SVIL: variants seen among roughly 807,000 people sequenced by gnomAD.
SVIL encodes the protein archvillin.
A neutral mutation model predicts 240.4 loss-of-function variants in SVIL; 101 were observed. That is an observed-to-expected ratio of 0.42 (90% CI 0.36 to 0.50). SVIL has a LOEUF of 0.50. SVIL is among the 20% of genes least tolerant of loss of function. The probability of loss-of-function intolerance (pLI) is 0.01; values close to 1 mark genes in which losing one functional copy is unlikely to be tolerated. For synonymous variants in SVIL, 999 were observed against 1,100.0 expected, an observed-to-expected ratio of 0.91 and a Z score of 1.82; for missense variants, 2,512 against 2,818.7, an observed-to-expected ratio of 0.89 and a Z score of 2.46.
At chr10:29,488,500 C>T (rs1947643450) in intron 23 of SVIL, 101 bp downstream of exon 23, 1 of 1,340,534 alleles carries the variant, frequency 7.5e-7, no homozygotes, top group Non-Finnish European at 9.7e-7. Context: ...AGTGTGCGTT[C>T]CTTTCCCGGC....
rs559967541 is a variant in SVIL at position 29,459,562 on chromosome 10, G to A, written c.6403-973C>T. On this transcript the variant is annotated intron_variant, in intron 36 of 37. Transcript: ENST00000355867. ...CTCCCCTGGCCCCATTTCTTAATCT[G>A]CAATAGAAAAAGAAGGTCAGAAAAT... Among the ~76,000 whole-genome samples the A allele has an allele frequency of 3.3e-5, 5 of 152,244 alleles. No homozygotes were observed. The South Asian group carries it at 8.3e-4, about 25-fold the overall frequency.
intron 1 of SVIL, among the ~76,000 whole-genome samples, chr10:29,687,428 A>G (rs986271265): frequency 3.3e-5 from 5 of 152,250 alleles, no homozygotes; most frequent in Non-Finnish European, 5.9e-5. Context: ...GAGGTGGTTC[A>G]TGCCTGTAAT....
intron 6 of SVIL, among the ~76,000 whole-genome samples, chr10:29,549,560 G>T (rs1184376407): frequency 6.8e-6 from 1 of 146,686 alleles, no homozygotes; most frequent in Admixed American, 6.9e-5. Context: ...CTGCTATAAA[G>T]ACACATGCAC....
At position 29,530,756 on chromosome 10, in the gene SVIL, T is replaced by C. The variant is rs1951303339; in HGVS notation, c.2045-88A>G. 4.0e-5 allele frequency: 57 copies of C among 1,423,036 alleles called. 1 individual carries two copies. Among genetic ancestry groups the C allele is most frequent in the South Asian group, 5.8e-5 (5 of 86,722 alleles). The allele number at this position is 1,423,036 out of a possible 1,614,324, so 88.2% of individuals were successfully genotyped here. ...AAGTCTTTCAGGGCTGACCTGGAAA[T>C]CTTTGAATACAACAATAGGTGCACT... On this transcript the variant is annotated intron_variant, in intron 10 of 37. Coordinates refer to ENST00000355867, the MANE Select transcript of SVIL (RefSeq NM_021738.3).
chr10:29,529,930 G>C (rs1207171924), intron 11 of SVIL, 86 bp from the exon 12 acceptor site: 3 of 1,356,288 alleles, frequency 2.2e-6, no homozygotes, highest in East Asian at 5.3e-5. Flanking sequence ...CAGCACTTTG[G>C]GAGGCTAAGG....
At position 29,473,938 on chromosome 10, in the gene SVIL, T is replaced by G; in HGVS notation, c.5429A>C (p.Lys1810Thr). The change falls in exon 30 of 38, where the codon AAG (lysine) becomes ACG (threonine). Residue 1810 changes from lysine to threonine, a missense_variant. By Grantham distance (78) the Lys-to-Thr change is moderately conservative. Around this residue, in one of 3 missense-constraint regions of SVIL, gnomAD observed 797 missense variants for 925.3 expected, o/e 0.86. Coordinates refer to ENST00000355867, the MANE Select transcript of SVIL (RefSeq NM_021738.3). ...GCCTTGCCAGAAGAAGTAGACGCAC[T>G]TCTCTTTGCCGGCTGCCCTCACCGA... ...EHSVRAAGKE[K>T]CVYFFWQGRH... The G allele has an allele frequency of 1.9e-6, 3 of 1,614,048 alleles. No individual in the cohort carries two copies. Among genetic ancestry groups the G allele is most frequent in the Non-Finnish European group, 1.7e-6 (2 of 1,180,006 alleles).
At chr10:29,458,962 A>G (rs1428530609) in intron 36 of SVIL, among the ~76,000 whole-genome samples, 2 of 148,400 alleles carry the variant, frequency 1.3e-5, no homozygotes, top group Non-Finnish European at 3.0e-5. Context: ...ATGCATCACC[A>G]GGCCTGGCTA....
At chr10:29,535,368 T>C (rs1404467965) in intron 7 of SVIL, among the ~76,000 whole-genome samples, 1 of 152,234 alleles carries the variant, frequency 6.6e-6, no homozygotes, top group Admixed American at 6.5e-5. Context: ...AATCTGAATG[T>C]TGTCCTCAGC....
chr10:29,631,967 C>G (rs1285484657), intron 1 of SVIL, among the ~76,000 whole-genome samples: 3 of 152,128 alleles, frequency 2.0e-5, no homozygotes, highest in Non-Finnish European at 4.4e-5. Flanking sequence ...ACCCTGAGAT[C>G]AGCGCTTTAA....
chr10:29,604,445 C>T (rs1264366159), intron 1 of SVIL, among the ~76,000 whole-genome samples: 2 of 132,176 alleles, frequency 1.5e-5, no homozygotes, highest in Non-Finnish European at 3.1e-5. Context: ...TGGTCTCAAA[C>T]TCCTGGACTC....
chr10:29,726,908 C>T (rs1429114397), intron 1 of SVIL, among the ~76,000 whole-genome samples: 2 of 152,118 alleles, frequency 1.3e-5, no homozygotes, highest in Admixed American at 1.3e-4. Flanking sequence ...AATGTGCTTC[C>T]ATCACAACAC....
At position 29,535,960 on chromosome 10, in the gene SVIL, C is replaced by G. The variant is rs1400461362; in HGVS notation, c.908+29G>C. ...CAGGAGGAAGCAACACTCATGCACA[C>G]AAGCCCCAGAGGGCCGGCGTGCGGG... On this transcript the variant is annotated intron_variant, in intron 7 of 37. Coordinates refer to ENST00000355867, the MANE Select transcript of SVIL (RefSeq NM_021738.3). The G allele has an allele frequency of 1.9e-6, 3 of 1,613,170 alleles. No individual in the cohort carries two copies. In the Admixed American group the frequency reaches 5.0e-5, roughly 27 times the overall value.
At chr10:29,490,585 TAAAAAA>T (rs57898945) in intron 22 of SVIL, among the ~76,000 whole-genome samples, 14,116 of 76,192 alleles carry the variant, frequency 0.19, 846 homozygotes, top group Non-Finnish European at 0.21. Context: ...CCCCAGTCTT[TAAAAAA>T]AAAAAAAAAA....
At chr10:29,606,701 G>C (rs1305746095) in intron 1 of SVIL, among the ~76,000 whole-genome samples, 1 of 152,008 alleles carries the variant, frequency 6.6e-6, no homozygotes, top group Non-Finnish European at 1.5e-5. Flanking sequence ...TTTACGGTTG[G>C]TTTTTCCAAA....
chr10:29,512,280 T>C (rs1271157423), intron 17 of SVIL, among the ~76,000 whole-genome samples: 4 of 152,254 alleles, frequency 2.6e-5, no homozygotes, highest in Non-Finnish European at 4.4e-5. Context: ...GCTTAAATGA[T>C]GAACTAAATA....
At chr10:29,573,721 T>TC (rs1461439215) in intron 1 of SVIL, among the ~76,000 whole-genome samples, 22 of 141,946 alleles carry the variant, frequency 1.5e-4, no homozygotes, top group Non-Finnish European at 2.9e-4. Flanking sequence ...TTTTTTTTTT[T>TC]TCCCGCTCTG....
chr10:29,589,165 A>T (rs1285393788), intron 1 of SVIL, among the ~76,000 whole-genome samples: 1 of 152,236 alleles, frequency 6.6e-6, no homozygotes, highest in Non-Finnish European at 1.5e-5. Flanking sequence ...GAGACACTCG[A>T]CACCAAAAGC....
chr10:29,637,192 GA>G (rs1378459580), upstream of SVIL, among the ~76,000 whole-genome samples: 1 of 152,096 alleles, frequency 6.6e-6, no homozygotes, highest in African/African-American at 2.4e-5. Flanking sequence ...TGAAAAAGAA[GA>G]AAAAAGTTAG....
chr10:29,697,103 C>T (rs1962130006), intron 1 of SVIL, among the ~76,000 whole-genome samples: 5 of 123,232 alleles, frequency 4.1e-5, no homozygotes, highest in East Asian at 2.9e-4. Flanking sequence ...AAGTGAGGAG[C>T]CCCTCTGCCC....
Sources: gnomAD v4.1 joint callset for allele counts (sites outside exome capture counted in the v4.1 genomes callset) on GRCh38, gnomAD v4.1.1 for gene constraint, gnomAD v4.1.1 regional missense constraint, MANE v1.5 for transcripts, NCBI Gene and HGNC (gene_info 2026-07-23, HGNC 2026-07-21) for gene names.